The following EPHA6 variants were observed in gnomAD, a reference collection of about 807,000 sequenced individuals.
The protein encoded by EPHA6 is EPH receptor A6.
Under a neutral mutation model 112.0 loss-of-function variants are expected in EPHA6, and 50 were observed. The observed-to-expected ratio is 0.45, with a 90% CI of 0.36 to 0.56. EPHA6 has a LOEUF of 0.56. EPHA6 is among the 20% of genes least tolerant of loss of function. The pLI, the probability that EPHA6 is intolerant of heterozygous loss-of-function variation, is 0.00. For synonymous variants in EPHA6, 529 were observed against 490.7 expected (o/e 1.08, Z -1.03); for missense variants, 1,280 against 1,417.4 (o/e 0.90, Z 1.56).
intron 5 of EPHA6, among the ~76,000 whole-genome samples, chr3:97,371,987 A>C (rs1436627475): frequency 1.3e-5 from 2 of 152,172 alleles, no homozygotes; most frequent in African/African-American, 4.8e-5. Context: ...AGATGTTATC[A>C]ATGACAATGT....
intron 1 of EPHA6, among the ~76,000 whole-genome samples, chr3:96,843,577 A>G (rs563294835): frequency 2.0e-5 from 3 of 152,138 alleles, no homozygotes; most frequent in African/African-American, 7.2e-5. Context: ...AGGAGTAATG[A>G]AGTTGGATGT....
At chr3:97,645,090 T>C (rs1320096113) in intron 14 of EPHA6, among the ~76,000 whole-genome samples, 2 of 152,098 alleles carry the variant, frequency 1.3e-5, no homozygotes, top group African/African-American at 4.8e-5. Flanking sequence ...TTATCCACCA[T>C]GTGAAAGTCA....
intron 3 of EPHA6, among the ~76,000 whole-genome samples, chr3:97,117,189 T>C (rs2047912669): frequency 6.6e-6 from 1 of 151,826 alleles, no homozygotes; most frequent in South Asian, 2.1e-4. Context: ...TTTCTTACTA[T>C]TGAGTTGTTT....
intron 2 of EPHA6, among the ~76,000 whole-genome samples, chr3:96,903,075 G>C (rs1456409868): frequency 6.6e-6 from 1 of 152,196 alleles, no homozygotes; most frequent in Non-Finnish European, 1.5e-5. Flanking sequence ...GACTTATGGT[G>C]AAGTGGTGCC....
At chr3:97,553,354 C>T (rs553284863) in intron 11 of EPHA6, among the ~76,000 whole-genome samples, 20 of 152,148 alleles carry the variant, frequency 1.3e-4, no homozygotes, top group African/African-American at 4.8e-4. Context: ...CTTTCAAAAA[C>T]CTACCTAAAT....
In EPHA6 at chr3:97,483,955, C is replaced by A. The variant is rs2091631909; in HGVS notation, c.2096C>A (p.Thr699Asn). The A allele has an allele frequency of 1.3e-6, 2 of 1,597,664 alleles. No individual in the cohort carries two copies. Among genetic ancestry groups the A allele is most frequent in the Non-Finnish European group, 1.7e-6 (2 of 1,173,100 alleles). The change falls in exon 10 of 18, where the codon ACT becomes AAT. Residue 699 changes from threonine to asparagine, a missense_variant. Physicochemically the swap from Thr to Asn is moderately conservative, Grantham distance 65 (BLOSUM62 0). Transcript: ENST00000389672. ...GCAGTGCGCTTCCCGGGAATTAAAA[C>A]TTACATTGATCCAGATACATATGAA... ...NGHLRFPGIK[T>N]YIDPDTYEDP...
chr3:97,299,457 A>G (rs2081007115), intron 5 of EPHA6, among the ~76,000 whole-genome samples: 1 of 152,070 alleles, frequency 6.6e-6, no homozygotes, highest in African/African-American at 2.4e-5. Context: ...TAAATGTGGG[A>G]GAGTTTGCTT....
At chr3:97,673,033 C>A (rs916873333) in intron 14 of EPHA6, among the ~76,000 whole-genome samples, 2 of 151,944 alleles carry the variant, frequency 1.3e-5, no homozygotes, top group East Asian at 1.9e-4. Flanking sequence ...AAGCCAAATG[C>A]CTGTATATCT....
At chr3:97,388,255 T>C (rs1366896932) in intron 5 of EPHA6, among the ~76,000 whole-genome samples, 2 of 152,178 alleles carry the variant, frequency 1.3e-5, no homozygotes, top group Non-Finnish European at 2.9e-5. Context: ...TCCACGATTA[T>C]GCCACTAGCA....
intron 3 of EPHA6, among the ~76,000 whole-genome samples, chr3:97,002,822 GTAAAC>G (rs780275427): frequency 1.8e-4 from 27 of 152,058 alleles, no homozygotes; most frequent in Admixed American, 3.3e-4. Flanking sequence ...AAAAAGAACA[GTAAAC>G]TAGAAGAGTA....
At chr3:97,068,065 G>T (rs375821813) in intron 3 of EPHA6, among the ~76,000 whole-genome samples, 59 of 148,396 alleles carry the variant, frequency 4.0e-4, no homozygotes, top group African/African-American at 1.4e-3. Flanking sequence ...CTGAGGCAGA[G>T]AATTGCTTGA....
chr3:96,970,256 C>CAA (rs1338927941), intron 2 of EPHA6, among the ~76,000 whole-genome samples: 1 of 149,802 alleles, frequency 6.7e-6, no homozygotes, highest in African/African-American at 2.5e-5. Flanking sequence ...CACACACACA[C>CAA]ACACACACAC....
At chr3:97,237,081 G>A (rs867004509) in intron 4 of EPHA6, among the ~76,000 whole-genome samples, 5 of 151,838 alleles carry the variant, frequency 3.3e-5, no homozygotes, top group South Asian at 2.1e-4. Context: ...AAGGACAGCT[G>A]ATTGTTTAGG....
chr3:97,161,193 G>T (rs1427678004), intron 3 of EPHA6, among the ~76,000 whole-genome samples: 1 of 152,106 alleles, frequency 6.6e-6, no homozygotes, highest in Non-Finnish European at 1.5e-5. Flanking sequence ...GTAAGTTGGT[G>T]GCCTGTGTTT....
chr3:96,878,561 T>C (rs1418172240), intron 2 of EPHA6, among the ~76,000 whole-genome samples: 4 of 152,100 alleles, frequency 2.6e-5, no homozygotes, highest in Non-Finnish European at 5.9e-5. Context: ...AGGAACTTAA[T>C]AGTCTAGATG....
intron 2 of EPHA6, among the ~76,000 whole-genome samples, chr3:96,975,188 G>T (rs956986879): frequency 5.9e-5 from 9 of 152,100 alleles, no homozygotes; most frequent in African/African-American, 2.2e-4. Flanking sequence ...ATCTAGGGTA[G>T]GGGAAATATT....
At chr3:97,167,121 G>A (rs1553714326) in intron 3 of EPHA6, among the ~76,000 whole-genome samples, 1 of 152,074 alleles carries the variant, frequency 6.6e-6, no homozygotes, top group Non-Finnish European at 1.5e-5. Flanking sequence ...GTGCCAGGAA[G>A]CATCTTTTCT....
intron 10 of EPHA6, among the ~76,000 whole-genome samples, chr3:97,500,653 G>C (rs1001628917): frequency 1.3e-5 from 2 of 152,116 alleles, no homozygotes; most frequent in African/African-American, 4.8e-5. Flanking sequence ...ACCATATCAT[G>C]GTAGTAGATA....
At chr3:97,104,719 A>G (rs900095876) in intron 3 of EPHA6, among the ~76,000 whole-genome samples, 4 of 152,110 alleles carry the variant, frequency 2.6e-5, no homozygotes, top group African/African-American at 7.2e-5. Context: ...TAGGAATGGT[A>G]TCAGCTCTTC....
Sources: allele counts gnomAD v4.1 joint callset (sites outside exome capture counted in the v4.1 genomes callset), GRCh38; gene constraint gnomAD v4.1.1; transcripts MANE v1.5; gene names NCBI Gene and HGNC (gene_info 2026-07-23, HGNC 2026-07-21).